PRKN: variants seen among roughly 807,000 people sequenced by gnomAD.
The protein encoded by PRKN is E3 ubiquitin-protein ligase parkin.
A neutral mutation model predicts 59.5 loss-of-function variants in PRKN; 56 were observed. That is an observed-to-expected ratio of 0.94 (90% CI 0.76 to 1.18). The LOEUF is 1.18. Ranked by LOEUF, PRKN falls within the 50% of genes most tolerant of loss-of-function variation. PRKN has a pLI of 0.00. For missense variants in PRKN, 657 were observed against 596.4 expected (o/e 1.10, Z -1.06); for synonymous variants, 250 against 222.1 (o/e 1.13, Z -1.12).
At chr6:162,213,077 A>G (rs1777460149) in intron 3 of PRKN, among the ~76,000 whole-genome samples, 6 of 152,308 alleles carry the variant, frequency 3.9e-5, no homozygotes, top group Admixed American at 3.3e-4. Flanking sequence ...ATATAAATTG[A>G]TAATTTATCA....
rs765725344 is a variant in PRKN at position 161,372,700 on chromosome 6, G to A, written c.1168-12495C>T. Reference sequence around the variant, plus strand: ...TCTGAATCCATAGGTCTGGGATTGCGCTCAAGGACTGGCAGTTCAACAAAT... The same window carrying A: ...TCTGAATCCATAGGTCTGGGATTGCACTCAAGGACTGGCAGTTCAACAAAT... On this transcript the variant is annotated intron_variant, in intron 10 of 11. Coordinates refer to ENST00000366898, the MANE Select transcript of PRKN (RefSeq NM_004562.3). The surrounding 1 kb of genome is among the most constrained non-coding windows in gnomAD (Gnocchi z 4.2). 1.7e-4 allele frequency among the ~76,000 whole-genome samples: 26 copies of A among 152,234 alleles called. No individual in the cohort carries two copies. Among genetic ancestry groups the A allele is most frequent in the Non-Finnish European group, 3.7e-4 (25 of 68,030 alleles).
At chr6:162,054,484 C>T (rs1181679876) in intron 4 of PRKN, among the ~76,000 whole-genome samples, 1 of 152,200 alleles carries the variant, frequency 6.6e-6, no homozygotes, top group Non-Finnish European at 1.5e-5. Flanking sequence ...CCTGACTTTG[C>T]TCCACTTCTG....
rs117289233 is a variant in PRKN at position 162,716,638 on chromosome 6, T to C, written c.7+11024A>G. Among the ~76,000 whole-genome samples, 14 of 152,314 alleles carry C rather than the reference T, an allele frequency of 9.2e-5. No individual in the cohort carries two copies. In the East Asian group the frequency reaches 1.9e-3, roughly 21 times the overall value. ...TACATATCAAATTACCCAGCTGCAA[T>C]GCACTATGGGAGTCCAGGAGAATAT... On this transcript the variant is annotated intron_variant, in intron 1 of 11. Coordinates refer to ENST00000366898, the MANE Select transcript of PRKN (RefSeq NM_004562.3).
At chr6:162,112,451 C>T (rs1365289578) in intron 4 of PRKN, among the ~76,000 whole-genome samples, 4 of 152,062 alleles carry the variant, frequency 2.6e-5, no homozygotes, top group East Asian at 1.9e-4. Context: ...TAAAGTAACA[C>T]AAAAAGTCAC....
At chr6:162,057,325 G>A (rs1260765325) in intron 4 of PRKN, among the ~76,000 whole-genome samples, 2 of 152,112 alleles carry the variant, frequency 1.3e-5, no homozygotes, top group East Asian at 3.9e-4. Context: ...ATGTTATTCA[G>A]CTTGGACAAT....
Position 162,710,655 on chromosome 6 carries a change from C to T in PRKN, c.7+17007G>A, listed in dbSNP as rs1165687652. ...AGAACTGATGTATTACACATTTGCACGGCCTAATCCCTGAAGTGTCAGAAG... is the reference window on the plus strand; with the variant it reads ...AGAACTGATGTATTACACATTTGCATGGCCTAATCCCTGAAGTGTCAGAAG... On this transcript the variant is annotated intron_variant, in intron 1 of 11. Coordinates refer to ENST00000366898, the MANE Select transcript of PRKN (RefSeq NM_004562.3). 2.6e-5 allele frequency among the ~76,000 whole-genome samples: 4 copies of T among 152,206 alleles called. No homozygotes were observed. In the East Asian group the frequency reaches 5.8e-4, roughly 22 times the overall value.
intron 7 of PRKN, among the ~76,000 whole-genome samples, chr6:161,753,232 G>A (rs1788768618): frequency 6.6e-6 from 1 of 152,160 alleles, no homozygotes; most frequent in Non-Finnish European, 1.5e-5. Flanking sequence ...GGAGTGAGAA[G>A]TCTGGTTGGG....
chr6:161,503,800 T>C lies in PRKN; in HGVS notation c.1083+45054A>G, dbSNP rs1387991237. ...ACAAAGTCAGATGTGAGCATTCTTTTAGAATCCACTGTGAGGAAAAGCCTG... is the reference window on the plus strand; with the variant it reads ...ACAAAGTCAGATGTGAGCATTCTTTCAGAATCCACTGTGAGGAAAAGCCTG... On this transcript the variant is annotated intron_variant, in intron 9 of 11. Coordinates refer to ENST00000366898, the MANE Select transcript of PRKN (RefSeq NM_004562.3). This position sits in a 1 kb window ranked among gnomAD's most constrained non-coding sequence, Gnocchi z 5.1. Among the ~76,000 whole-genome samples, 1 of 152,224 alleles carries C rather than the reference T, an allele frequency of 6.6e-6. No individual in the cohort carries two copies. The highest frequency in any genetic ancestry group is 1.5e-5 in the Non-Finnish European group (1 of 68,028).
intron 3 of PRKN, among the ~76,000 whole-genome samples, chr6:162,218,824 A>G (rs1777810489): frequency 6.6e-6 from 1 of 152,088 alleles, no homozygotes; most frequent in South Asian, 2.1e-4. Flanking sequence ...GCAGCGAATT[A>G]AAGAACATCC....
intron 4 of PRKN, among the ~76,000 whole-genome samples, chr6:162,139,472 G>A (rs1208906431): frequency 6.6e-6 from 1 of 152,172 alleles, no homozygotes; most frequent in Non-Finnish European, 1.5e-5. Flanking sequence ...AATTTGAACA[G>A]AGGCTTATGA....
chr6:162,258,170 C>A lies in PRKN; in HGVS notation c.412+4355G>T, dbSNP rs140120036. Among the ~76,000 whole-genome samples, 650 of 152,312 alleles carry A rather than the reference C, an allele frequency of 4.3e-3. 2 individuals carry two copies. Among genetic ancestry groups the A allele is most frequent in the African/African-American group, 0.015 (607 of 41,568 alleles). The stretch of plus-strand genomic sequence containing the variant: ...TATATTACGGAACTCCCCACCAATA[C>A]TCTTTGTCCCCTTGACTCTGCTGTT... On this transcript the variant is annotated intron_variant, in intron 3 of 11. Transcript: ENST00000366898.
chr6:161,897,966 C>CAAAAAAAAAAACAACAAAAAAAAA (rs1777714557), intron 6 of PRKN, among the ~76,000 whole-genome samples: 1 of 38,298 alleles, frequency 2.6e-5, no homozygotes, highest in Non-Finnish European at 4.6e-5. Context: ...GACTCCGTCT[C>CAAAAAAAAAAACAACAAAAAAAAA]AAAAAAAAAA....
At chr6:162,621,370 G>C (rs996981463) in intron 1 of PRKN, among the ~76,000 whole-genome samples, 1 of 152,156 alleles carries the variant, frequency 6.6e-6, no homozygotes, top group African/African-American at 2.4e-5. Flanking sequence ...GAGGTTAGCA[G>C]GGTGATGAAA....
At chr6:162,611,985 A>C (rs759458367) in intron 1 of PRKN, among the ~76,000 whole-genome samples, 1 of 151,618 alleles carries the variant, frequency 6.6e-6, no homozygotes, top group African/African-American at 2.4e-5. Flanking sequence ...GGAGATCGAG[A>C]CCATCCTGGC....
rs568171782 is a variant in PRKN, at chr6:162,369,097, G to A, written c.171+74213C>T. ...GCATAAGCTTGTTGGTTGCAAAGGT[G>A]ACATATAGTAAGTCAAATAAACCCA... On this transcript the variant is annotated intron_variant, in intron 2 of 11. Transcript: ENST00000366898. Among the ~76,000 whole-genome samples the A allele has an allele frequency of 2.0e-5, 3 of 152,246 alleles. No individual in the cohort carries two copies. The South Asian group carries it at 6.2e-4, about 32-fold the overall frequency.
intron 2 of PRKN, among the ~76,000 whole-genome samples, chr6:162,329,348 C>T (rs1783470193): frequency 6.6e-6 from 1 of 152,092 alleles, no homozygotes; most frequent in African/African-American, 2.4e-5. Flanking sequence ...GGCATATACG[C>T]ACAGAGAGCC....
At chr6:162,680,156 A>G (rs2849530) in intron 1 of PRKN, among the ~76,000 whole-genome samples, 96,960 of 150,848 alleles carry the variant, frequency 0.64, 32,226 homozygotes, top group African/African-American at 0.81. Context: ...TATACACTTA[A>G]TATATACTTA....
chr6:162,210,444 T>C (rs1583203507), intron 3 of PRKN, among the ~76,000 whole-genome samples: 1 of 152,194 alleles, frequency 6.6e-6, no homozygotes, highest in East Asian at 1.9e-4. Context: ...CTTCAAGCTG[T>C]AGGCATTTAC....
chr6:161,412,418 A>G (rs1787618911), intron 9 of PRKN, among the ~76,000 whole-genome samples: 1 of 132,160 alleles, frequency 7.6e-6, no homozygotes, highest in Admixed American at 7.7e-5. Flanking sequence ...TCCTCCACTC[A>G]CTCATTCCTT....
Sources: allele counts gnomAD v4.1 joint callset (sites outside exome capture counted in the v4.1 genomes callset), GRCh38; gene constraint gnomAD v4.1.1; non-coding constraint Gnocchi (gnomAD v3.1); transcripts MANE v1.5; gene names NCBI Gene and HGNC (gene_info 2026-07-23, HGNC 2026-07-21).